Variants in BICD1 observed in about 807,000 individuals in gnomAD.
BICD1 encodes the protein protein bicaudal D homolog 1.
In BICD1, 35 loss-of-function variants were observed where a neutral mutation model predicts 92.5. The ratio of observed to expected loss-of-function variants is 0.38; its 90% CI spans 0.29 to 0.50. The LOEUF (loss-of-function observed/expected upper bound fraction) is 0.50, where lower values mean the gene tolerates loss of function less well. BICD1 is among the 20% of genes least tolerant of loss of function. The probability of loss-of-function intolerance (pLI) is 0.93; values close to 1 mark genes in which losing one functional copy is unlikely to be tolerated. For synonymous variants in BICD1, 429 were observed against 465.1 expected, an observed-to-expected ratio of 0.92 and a Z score of 1.00; for missense variants, 950 against 1,189.8, an observed-to-expected ratio of 0.80 and a Z score of 2.97.
intron 1 of BICD1, among the ~76,000 whole-genome samples, chr12:32,191,981 C>T (rs1944582137): frequency 6.6e-6 from 1 of 152,050 alleles, no homozygotes; most frequent in Non-Finnish European, 1.5e-5. Context: ...GGAAGAGTTA[C>T]ACATCTCTCA....
intron 2 of BICD1, among the ~76,000 whole-genome samples, chr12:32,276,011 T>G (rs1947266343): frequency 6.6e-6 from 1 of 152,052 alleles, no homozygotes; most frequent in African/African-American, 2.4e-5. Flanking sequence ...GGAAGCGGCT[T>G]GCCACCATTT....
rs1945460344 is a variant in BICD1, at chr12:32,219,776, C to T, written c.426+3317C>T. Reference sequence around the variant, plus strand: ...TTTTCATCTAATTCTCACTTTTAAACGTTTTGATTAGCCTTATTGTATATA... The same window carrying T: ...TTTTCATCTAATTCTCACTTTTAAATGTTTTGATTAGCCTTATTGTATATA... On this transcript the variant is annotated intron_variant, in intron 2 of 9. Coordinates refer to ENST00000652176, the MANE Select transcript of BICD1 (RefSeq NM_001714.4). Among the ~76,000 whole-genome samples, 4 of 152,242 alleles carry T rather than the reference C, an allele frequency of 2.6e-5. No individual in the cohort carries two copies. In the South Asian group the frequency reaches 6.2e-4, roughly 24 times the overall value.
At chr12:32,367,833 G>A (rs934324523) in intron 9 of BICD1, 88 bp downstream of exon 9, 21 of 1,180,908 alleles carry the variant, frequency 1.8e-5, no homozygotes, top group African/African-American at 1.4e-4. Context: ...AACTGCCTAC[G>A]CATCATTGTA....
chr12:32,207,129 G>A (rs1297754737), intron 1 of BICD1, among the ~76,000 whole-genome samples: 3 of 152,232 alleles, frequency 2.0e-5, no homozygotes, highest in Admixed American at 6.5e-5. Context: ...TTTGAGGCTA[G>A]TGGGTCTTGG....
intron 1 of BICD1, among the ~76,000 whole-genome samples, chr12:32,111,385 A>G (rs1461579253): frequency 6.6e-6 from 1 of 152,204 alleles, no homozygotes; most frequent in Non-Finnish European, 1.5e-5. Context: ...ATGCCACTTA[A>G]ATTACCTAGA....
At chr12:32,265,719 A>T (rs76489168) in intron 2 of BICD1, among the ~76,000 whole-genome samples, 33 of 18,176 alleles carry the variant, frequency 1.8e-3, no homozygotes, top group African/African-American at 0.011. Flanking sequence ...GATCCTATTT[A>T]AAAAAAAAAA....
At chr12:32,232,498 A>T (rs1331932575) in intron 2 of BICD1, among the ~76,000 whole-genome samples, 1 of 149,734 alleles carries the variant, frequency 6.7e-6, no homozygotes, top group African/African-American at 2.5e-5. Flanking sequence ...GCCCTTTGTC[A>T]GATGAGTAGG....
chr12:32,109,654 C>T (rs950153533), intron 1 of BICD1: 5 of 151,546 alleles, frequency 3.3e-5, no homozygotes, highest in African/African-American at 1.2e-4. Context: ...AAGTGAAATT[C>T]GAGATTCCTA....
chr12:32,334,780 TAA>T, intron 6 of BICD1, 113 bp downstream of exon 6: 1 of 1,187,404 alleles, frequency 8.4e-7, no homozygotes, highest in African/African-American at 1.5e-5. Context: ...CTAGGATGGC[TAA>T]GTGTGAAGAA....
chr12:32,166,146 A>ATTTT lies in BICD1; in HGVS notation c.214-50098_214-50095dup, dbSNP rs1434168968. 8.6e-5 allele frequency among the ~76,000 whole-genome samples: 7 copies of ATTTT among 81,460 alleles called. No individual in the cohort carries two copies. The East Asian group carries it at 1.6e-3, about 19-fold the overall frequency. The allele number at this position is 81,460 out of a possible 152,430, so 53.4% of individuals were successfully genotyped here. ...TATTTATTTATTTATTTATTTATTT[A>ATTTT]TTTTTTGGAGCCAGCGTTTCGTTCT... On this transcript the variant is annotated intron_variant, in intron 1 of 9. Transcript: ENST00000652176.
intron 2 of BICD1, among the ~76,000 whole-genome samples, chr12:32,272,293 G>A (rs773520324): frequency 5.9e-5 from 9 of 152,158 alleles, no homozygotes; most frequent in Non-Finnish European, 1.3e-4. Flanking sequence ...CAGGGAGAAG[G>A]CCTAGAAATT....
At chr12:32,111,214 C>T (rs1345659065) in intron 1 of BICD1, among the ~76,000 whole-genome samples, 1 of 152,160 alleles carries the variant, frequency 6.6e-6, no homozygotes, top group Non-Finnish European at 1.5e-5. Flanking sequence ...AACCCTGACA[C>T]CAAGGATAGT....
intron 2 of BICD1, among the ~76,000 whole-genome samples, chr12:32,273,167 C>A (rs1432761696): frequency 1.3e-5 from 2 of 152,098 alleles, no homozygotes; most frequent in Non-Finnish European, 2.9e-5. Context: ...GTGTGCAAGA[C>A]GTAAGGGAGG....
At chr12:32,212,679 T>C (rs1467596895) in intron 1 of BICD1, among the ~76,000 whole-genome samples, 2 of 152,184 alleles carry the variant, frequency 1.3e-5, no homozygotes, top group Non-Finnish European at 2.9e-5. Flanking sequence ...CACCTCAGCC[T>C]CCCAAAGTGC....
At chr12:32,168,209 T>G (rs76001144) in intron 1 of BICD1, among the ~76,000 whole-genome samples, 2,604 of 152,346 alleles carry the variant, frequency 0.017, 106 homozygotes, top group East Asian at 0.17. Flanking sequence ...TTCTCTAACA[T>G]GTAAACTGCT....
intron 2 of BICD1, among the ~76,000 whole-genome samples, chr12:32,279,236 G>C (rs1388157009): frequency 6.6e-6 from 1 of 152,186 alleles, no homozygotes; most frequent in Non-Finnish European, 1.5e-5. Context: ...CAGGGTCAGG[G>C]CAGTGACCTT....
At chr12:32,132,656 C>A (rs925872262) in intron 1 of BICD1, among the ~76,000 whole-genome samples, 2 of 152,096 alleles carry the variant, frequency 1.3e-5, no homozygotes, top group Non-Finnish European at 2.9e-5. Context: ...TCAACCAGGA[C>A]CCCAAAAGAC....
In BICD1 at chr12:32,328,693, G is replaced by C; in HGVS notation, c.2100+138G>C. ...AGTGGATAAATAAAACTGTCCCAGTGCCAGATCAGAATGTCATAATAATTA... is the reference window on the plus strand; with the variant it reads ...AGTGGATAAATAAAACTGTCCCAGTCCCAGATCAGAATGTCATAATAATTA... On this transcript the variant is annotated intron_variant, in intron 5 of 9. Transcript: ENST00000652176. The surrounding 1 kb of genome is among the most constrained non-coding windows in gnomAD (Gnocchi z 4.4). The C allele has an allele frequency of 8.3e-7, 1 of 1,198,526 alleles. No homozygotes were observed. Among genetic ancestry groups the C allele is most frequent in the Non-Finnish European group, 1.1e-6 (1 of 873,524 alleles). 74.2% of individuals were successfully genotyped at this position (1,198,526 alleles called of 1,614,324 possible).
chr12:32,215,232 A>G (rs161976), intron 1 of BICD1, among the ~76,000 whole-genome samples: 84,574 of 151,900 alleles, frequency 0.56, 24,108 homozygotes, highest in East Asian at 0.82. Context: ...CATCTCAAAA[A>G]GAAAAAAGAA....
Sources: allele counts gnomAD v4.1 joint callset (sites outside exome capture counted in the v4.1 genomes callset), GRCh38; gene constraint gnomAD v4.1.1; non-coding constraint Gnocchi (gnomAD v3.1); transcripts MANE v1.5; gene names NCBI Gene and HGNC (gene_info 2026-07-23, HGNC 2026-07-21).